The following HADHA variants were observed in gnomAD, a reference collection of about 807,000 sequenced individuals.
HADHA encodes the protein trifunctional enzyme subunit alpha, mitochondrial.
HADHA carries 59 observed loss-of-function variants against 91.3 expected under a neutral mutation model. The ratio of observed to expected loss-of-function variants is 0.65; its 90% confidence interval spans 0.52 to 0.80. The LOEUF (loss-of-function observed/expected upper bound fraction) is 0.80, where lower values mean the gene tolerates loss of function less well. HADHA is among the 30% of genes least tolerant of loss of function. HADHA has a pLI of 0.00. For missense variants in HADHA, 800 were observed against 927.6 expected, an observed-to-expected ratio of 0.86 and a Z score of 1.79; for synonymous variants, 320 against 338.9, an observed-to-expected ratio of 0.94 and a Z score of 0.61.
chr2:26,227,644 C>G (rs1031924814), intron 7 of HADHA, among the ~76,000 whole-genome samples: 3 of 152,062 alleles, frequency 2.0e-5, no homozygotes, highest in Non-Finnish European at 4.4e-5. Flanking sequence ...AAGAGTATAA[C>G]CACTTTGGGA....
intron 13 of HADHA, 144 bp downstream of exon 13, chr2:26,201,005 T>G (rs1669817314): frequency 1.4e-6 from 1 of 721,752 alleles, no homozygotes; most frequent in Non-Finnish European, 2.5e-6. Flanking sequence ...CTACTGGGAT[T>G]ATAGGCGTGA....
intron 14 of HADHA, 102 bp from the exon 15 acceptor site, chr2:26,195,334 G>A: frequency 9.9e-7 from 1 of 1,008,800 alleles, no homozygotes; most frequent in Non-Finnish European, 1.6e-6. Flanking sequence ...AGGTGGCTGT[G>A]ATATAGGAAT....
chr2:26,193,093 C>T (rs1298443691), intron 17 of HADHA, among the ~76,000 whole-genome samples: 1 of 152,064 alleles, frequency 6.6e-6, no homozygotes, highest in Non-Finnish European at 1.5e-5. Flanking sequence ...TATACATTCT[C>T]CTCACAGGTG....
At chr2:26,218,420 A>T (rs1041412612) in intron 7 of HADHA, among the ~76,000 whole-genome samples, 1 of 152,232 alleles carries the variant, frequency 6.6e-6, no homozygotes, top group Non-Finnish European at 1.5e-5. Flanking sequence ...CACTACAGAA[A>T]ACACTAAAGG....
At chr2:26,243,376 T>C (rs993733258) in intron 1 of HADHA, 14 of 151,976 alleles carry the variant, frequency 9.2e-5, no homozygotes, top group Admixed American at 4.6e-4. Context: ...TAGGTAAGCA[T>C]ATGAGTAGTA....
chr2:26,242,764 G>T (rs898334986), intron 1 of HADHA, among the ~76,000 whole-genome samples: 15 of 152,152 alleles, frequency 9.9e-5, no homozygotes, highest in African/African-American at 2.2e-4. Flanking sequence ...TGTTTTTTTT[G>T]TTTGTTTGTT....
At chr2:26,195,315 TAGAA>T in intron 14 of HADHA, 83 bp from the exon 15 acceptor site, 7 of 1,177,598 alleles carry the variant, frequency 5.9e-6, no homozygotes, top group Admixed American at 5.0e-5. Flanking sequence ...AGGAAAACAC[TAGAA>T]AGAAAGGTGG....
At chr2:26,234,735 C>T (rs1466350917) in intron 4 of HADHA, among the ~76,000 whole-genome samples, 1 of 148,698 alleles carries the variant, frequency 6.7e-6, no homozygotes, top group Middle Eastern at 3.3e-3. Context: ...CACTGCACTC[C>T]AGCCTGGGCG....
chr2:26,194,612 C>G lies in HADHA; in HGVS notation c.1647G>C (p.Arg549Ser). 1 of 1,612,320 alleles carries G rather than the reference C, an allele frequency of 6.2e-7. No individual in the cohort carries two copies. The highest frequency in any genetic ancestry group is 8.5e-7 in the Non-Finnish European group (1 of 1,178,472). The change falls in exon 16 of 20, where the codon AGG (arginine) becomes AGC (serine). Residue 549 changes from arginine (R) to serine (S), a missense_variant. Coordinates refer to ENST00000380649, the MANE Select transcript of HADHA (RefSeq NM_000182.5). ...VKDGPGFYTT[R>S]CLAPMMSEVI... ...CTTCAGACATCATGGGCGCAAGACA[C>G]CTGGTAGTATAGAAGCCAGGTCCAT...
At chr2:26,207,879 C>T (rs1670008199) in intron 11 of HADHA, among the ~76,000 whole-genome samples, 2 of 152,124 alleles carry the variant, frequency 1.3e-5, no homozygotes, top group South Asian at 4.1e-4. Flanking sequence ...TTCCAGTTAT[C>T]ATCCAAGGCA....
chr2:26,208,306 T>C (rs1202927656), intron 11 of HADHA, among the ~76,000 whole-genome samples: 2 of 152,174 alleles, frequency 1.3e-5, no homozygotes, highest in African/African-American at 2.4e-5. Flanking sequence ...TATTAGCTTT[T>C]TGTGGGTGCT....
At chr2:26,228,557 T>C (rs751225065) in intron 7 of HADHA, among the ~76,000 whole-genome samples, 24 of 152,196 alleles carry the variant, frequency 1.6e-4, no homozygotes, top group Non-Finnish European at 2.8e-4. Context: ...ATTTCTACAA[T>C]GGAGTAACAC....
intron 7 of HADHA, among the ~76,000 whole-genome samples, chr2:26,228,515 CA>C (rs1670536161): frequency 6.6e-6 from 1 of 152,180 alleles, no homozygotes; most frequent in South Asian, 2.1e-4. Flanking sequence ...AAATGCTCAT[CA>C]TTTGGTGAAC....
chr2:26,231,119 A>G (rs1450680292), intron 6 of HADHA, among the ~76,000 whole-genome samples: 1 of 152,140 alleles, frequency 6.6e-6, no homozygotes, highest in Non-Finnish European at 1.5e-5. Flanking sequence ...AAAAAGAAGA[A>G]AGAAAGAAAC....
At chr2:26,196,832 T>C (rs1451488618) in intron 14 of HADHA, among the ~76,000 whole-genome samples, 2 of 152,166 alleles carry the variant, frequency 1.3e-5, no homozygotes, top group Non-Finnish European at 2.9e-5. Flanking sequence ...TTGAGTGATA[T>C]GACATGGCCA....
At chr2:26,219,606 G>A (rs894659406) in intron 7 of HADHA, among the ~76,000 whole-genome samples, 4 of 152,178 alleles carry the variant, frequency 2.6e-5, no homozygotes, top group African/African-American at 9.7e-5. Context: ...AGAAATTACA[G>A]TGGGAACTGC....
intron 9 of HADHA, among the ~76,000 whole-genome samples, chr2:26,213,149 CT>C (rs1670142277): frequency 6.6e-6 from 1 of 152,228 alleles, no homozygotes; most frequent in Non-Finnish European, 1.5e-5. Flanking sequence ...TCTGACTTCT[CT>C]GTCTAAACTA....
At chr2:26,200,426 T>C (rs1335663083) in intron 13 of HADHA, among the ~76,000 whole-genome samples, 2 of 152,210 alleles carry the variant, frequency 1.3e-5, no homozygotes, top group East Asian at 3.9e-4. Flanking sequence ...AAGAAGTGCC[T>C]ATGGAGAACA....
intron 11 of HADHA, among the ~76,000 whole-genome samples, chr2:26,206,029 G>A (rs188205955): frequency 2.6e-5 from 4 of 151,966 alleles, no homozygotes; most frequent in East Asian, 3.9e-4. Flanking sequence ...AGCCAGGCAC[G>A]GTAGCTCATG....
Sources: gnomAD v4.1 joint callset for allele counts (sites outside exome capture counted in the v4.1 genomes callset) on GRCh38, gnomAD v4.1.1 for gene constraint, MANE v1.5 for transcripts, NCBI Gene and HGNC (gene_info 2026-07-23, HGNC 2026-07-21) for gene names.